The following CYP4B1 variants were observed in gnomAD, a reference collection of about 807,000 sequenced individuals.
The protein encoded by CYP4B1 is cytochrome P450 4B1.
A neutral mutation model predicts 54.0 loss-of-function variants in CYP4B1; 45 were observed. The observed-to-expected ratio is 0.83, with a 90% CI of 0.66 to 1.07. CYP4B1 has a LOEUF of 1.07. Among genes scored for constraint, CYP4B1 ranks in the 50% least tolerant of loss-of-function variants. CYP4B1 has a pLI of 0.00. For missense variants in CYP4B1, 656 were observed against 655.4 expected, an observed-to-expected ratio of 1.00 and a Z score of -0.01; for synonymous variants, 248 against 247.5, an observed-to-expected ratio of 1.00 and a Z score of -0.02.
In CYP4B1 at chr1:46,813,576, TTGGAAGAGGAGACACCGGCC is replaced by T. The variant is rs749634120; in HGVS notation, c.594_613del (p.Arg199ProfsTer29). On this transcript the variant is annotated frameshift_variant, in exon 5 of 12. Transcript: ENST00000371923. LOFTEE classifies it high-confidence loss of function. ...CTGAACACACTCATGAAGTGCACCT[TTGGAAGAGGAGACACCGGCC>T]TGGGCCACAGGTCAGGAGCCACCTC... The T allele has an allele frequency of 1.9e-6, 3 of 1,614,088 alleles. No individual in the cohort carries two copies. The highest frequency in any genetic ancestry group is 3.3e-4 in the Middle Eastern group (2 of 6,060).
chr1:46,802,954 G>A (rs1287013994), intron 1 of CYP4B1, among the ~76,000 whole-genome samples: 4 of 152,204 alleles, frequency 2.6e-5, no homozygotes, highest in Non-Finnish European at 5.9e-5. Context: ...GCTGGAAAAA[G>A]CAGTGTGTTT....
chr1:46,810,233 A>G (rs935828553), intron 1 of CYP4B1, among the ~76,000 whole-genome samples: 9 of 152,168 alleles, frequency 5.9e-5, no homozygotes, highest in Admixed American at 5.2e-4. Flanking sequence ...TGTCTCTCAT[A>G]GCACTGTTTT....
At chr1:46,817,538 C>A (rs1679385283) in intron 9 of CYP4B1, among the ~76,000 whole-genome samples, 1 of 152,328 alleles carries the variant, frequency 6.6e-6, no homozygotes, top group East Asian at 1.9e-4. Context: ...ACCTGCACAA[C>A]TGTATGTGGT....
At chr1:46,802,068 T>C (rs1286648885) in intron 1 of CYP4B1, among the ~76,000 whole-genome samples, 1 of 152,194 alleles carries the variant, frequency 6.6e-6, no homozygotes, top group Non-Finnish European at 1.5e-5. Context: ...TGTCCTATTC[T>C]TCCAGGGTCC....
intron 8 of CYP4B1, 178 bp downstream of exon 8, chr1:46,815,442 C>G (rs894824005): frequency 2.0e-6 from 1 of 490,402 alleles, no homozygotes; most frequent in Non-Finnish European, 3.5e-6. Context: ...CACAGATGCA[C>G]CCCTGAGCCC....
chr1:46,801,931 G>T (rs1351863579), intron 1 of CYP4B1, among the ~76,000 whole-genome samples: 1 of 152,190 alleles, frequency 6.6e-6, no homozygotes. Context: ...GGGACTGGGG[G>T]CAGGGAAGAG....
rs375747777 is a variant in CYP4B1 at position 46,809,208 on chromosome 1, A to AT, written c.181-1600_181-1599insT. 7.5e-3 allele frequency among the ~76,000 whole-genome samples: 1,137 copies of AT among 151,794 alleles called. 16 individuals carry two copies. Among genetic ancestry groups the AT allele is most frequent in the African/African-American group, 0.024 (1,014 of 41,418 alleles). ...AAACAAAACAAAACAAAACAAAAAAAAGCTCTCATGGGAACTAAGAGAACT... is the reference window on the plus strand; with the variant it reads ...AAACAAAACAAAACAAAACAAAAAAATAGCTCTCATGGGAACTAAGAGAACT... On this transcript the variant is annotated intron_variant, in intron 1 of 11. Coordinates refer to ENST00000371923, the MANE Select transcript of CYP4B1 (RefSeq NM_001099772.2).
chr1:46,814,405 C>A, intron 7 of CYP4B1, 90 bp downstream of exon 7: 1 of 898,570 alleles, frequency 1.1e-6, no homozygotes, highest in Non-Finnish European at 1.7e-6. Context: ...AGCTCTTAAG[C>A]ATTTCCCCCT....
rs372658454 is a variant in CYP4B1, at chr1:46,812,509, G to T, written c.381G>T (p.Leu127=). Residue 127 remains leucine (L), a synonymous_variant, in exon 4 of 12, where the codon CTG becomes CTT. Coordinates refer to ENST00000371923, the MANE Select transcript of CYP4B1 (RefSeq NM_001099772.2). ...TCCCTTCCCCAGGGAGAGGCCTGCT[G>T]GTTCTTGAGGGGCCCAAGTGGTTGC... is the stretch of plus-strand genomic sequence containing the variant. ...FFLQWIGRGL[L]VLEGPKWLQH... 2 of 1,613,468 alleles carry T rather than the reference G, an allele frequency of 1.2e-6. No individual in the cohort carries two copies. Among genetic ancestry groups the T allele is most frequent in the Non-Finnish European group, 1.7e-6 (2 of 1,179,706 alleles).
chr1:46,812,084 G>A lies in CYP4B1; in HGVS notation c.368-412G>A, dbSNP rs576490037. 3.7e-4 allele frequency: 165 copies of A among 451,268 alleles called. 2 individuals carry two copies. The highest frequency in any genetic ancestry group is 3.0e-3 in the African/African-American group (150 of 50,322). The allele number at this position is 451,268 out of a possible 1,614,324, so 28.0% of individuals were successfully genotyped here. ...ACCTGAGGCCATGAAGCACGAACAC[G>A]GTGGGACATTCCCTAAGTCCTGAAG... is the stretch of plus-strand genomic sequence containing the variant. On this transcript the variant is annotated intron_variant, in intron 3 of 11. Transcript: ENST00000371923.
intron 1 of CYP4B1, among the ~76,000 whole-genome samples, chr1:46,801,925 CT>C (rs1204525103): frequency 2.0e-5 from 3 of 152,128 alleles, no homozygotes; most frequent in African/African-American, 7.2e-5. Flanking sequence ...GGTAAAGGGA[CT>C]GGGGGCAGGG....
Position 46,815,124 on chromosome 1 carries a change from C to A in CYP4B1, c.933C>A (p.Asp311Glu). ...LSDADLRAEV[D>E]TFMFEGHDTT... ...ATGCAGACCTCCGGGCTGAAGTGGA[C>A]ACATTCATGTTTGAAGGCCATGACA... The change falls in exon 8 of 12, where the codon GAC becomes GAA. Residue 311 changes from aspartate (D) to glutamate (E), a missense_variant. Transcript: ENST00000371923. 2 of 1,614,200 alleles carry A rather than the reference C, an allele frequency of 1.2e-6. No individual in the cohort carries two copies. The highest frequency in any genetic ancestry group is 2.2e-5 in the South Asian group (2 of 91,084).
rs778917114 is a variant in CYP4B1 at position 46,810,842 on chromosome 1, C to A, written c.215C>A (p.Ser72Tyr). Residue 72 changes from serine (S) to tyrosine (Y), a missense_variant, in exon 2 of 12, where the codon TCC becomes TAC. By Grantham distance (144) the Ser-to-Tyr change is moderately radical. Coordinates refer to ENST00000371923, the MANE Select transcript of CYP4B1 (RefSeq NM_001099772.2). ...QETGSLDKVV[S>Y]WAHQFPYAHP... Reference sequence around the variant, plus strand: ...ACGGGGAGCCTGGACAAAGTGGTGTCCTGGGCCCACCAGTTCCCGTATGCC... The same window carrying A: ...ACGGGGAGCCTGGACAAAGTGGTGTACTGGGCCCACCAGTTCCCGTATGCC... 3.1e-6 allele frequency: 5 copies of A among 1,614,156 alleles called. No homozygotes were observed. Among genetic ancestry groups the A allele is most frequent in the Non-Finnish European group, 4.2e-6 (5 of 1,180,004 alleles).
rs1679071421 is a variant in CYP4B1, at chr1:46,810,923, A to G, written c.296A>G (p.Tyr99Cys). The G allele has an allele frequency of 1.2e-6, 2 of 1,614,132 alleles. No homozygotes were observed. Among genetic ancestry groups the G allele is most frequent in the African/African-American group, 1.3e-5 (1 of 75,036 alleles). The change falls in exon 2 of 12, where the codon TAT becomes TGT. Residue 99 changes from tyrosine (Y) to cysteine (C), a missense_variant. Physicochemically the swap from Tyr to Cys is radical, Grantham distance 194. Transcript: ENST00000371923. Reference protein sequence around the residue: ...IGFLNIYEPDYAKAVYSRGDP... With the variant: ...IGFLNIYEPDCAKAVYSRGDP... ...TTCCTGAACATCTATGAGCCTGACT[A>G]TGCCAAAGCTGTGTACAGCCGTGGG...
chr1:46,813,208 A>G (rs1481323290), intron 4 of CYP4B1, among the ~76,000 whole-genome samples: 1 of 152,204 alleles, frequency 6.6e-6, no homozygotes, highest in Non-Finnish European at 1.5e-5. Flanking sequence ...CTACTCCCTT[A>G]TAGGCTGCCC....
intron 11 of CYP4B1, 134 bp downstream of exon 11, chr1:46,818,347 G>A: frequency 1.2e-6 from 1 of 866,758 alleles, no homozygotes; most frequent in Non-Finnish European, 1.8e-6. Context: ...TCTAATGCAG[G>A]AGGCTTCTTC....
Position 46,813,551 on chromosome 1 carries a change from C to A in CYP4B1, c.565C>A (p.Leu189Met). The A allele has an allele frequency of 6.2e-7, 1 of 1,614,198 alleles. No individual in the cohort carries two copies. The change falls in exon 5 of 12, where the codon CTG becomes ATG. Residue 189 changes from leucine to methionine, a missense_variant. Transcript: ENST00000371923. ...CTTCTGCGATGTGGGTCACATGGCG[C>A]TGAACACACTCATGAAGTGCACCTT... ...DIFCDVGHMA[L>M]NTLMKCTFGR...
Position 46,813,981 on chromosome 1 carries a change from G to A in CYP4B1, c.693G>A (p.Gln231=). The change falls in exon 6 of 12, where the codon CAG becomes CAA. Residue 231 remains glutamine, a synonymous_variant. Transcript: ENST00000371923. ...TGCAGCAGCGCCTTGTGTCCTTCCA[G>A]TACCATAATGACTTCATCTACTGGC... ...LLMQQRLVSF[Q]YHNDFIYWLT... The A allele has an allele frequency of 6.2e-7, 1 of 1,614,174 alleles. No individual in the cohort carries two copies. Among genetic ancestry groups the A allele is most frequent in the South Asian group, 1.1e-5 (1 of 91,082 alleles).
At position 46,814,034 on chromosome 1, in the gene CYP4B1, G is replaced by C. The variant is rs773929688; in HGVS notation, c.746G>C (p.Arg249Pro). 20 of 1,614,110 alleles carry C rather than the reference G, an allele frequency of 1.2e-5. No homozygotes were observed. Among genetic ancestry groups the C allele is most frequent in the Non-Finnish European group, 1.7e-5 (20 of 1,180,016 alleles). ...WLTPHGRRFL[R>P]ACQVAHDHTD... ...ACCCCACATGGCCGCCGCTTCCTGC[G>C]GGCCTGCCAGGTGGCCCATGACCAT... Residue 249 changes from arginine to proline, a missense_variant, in exon 6 of 12, where the codon CGG becomes CCG. Arg to Pro is a moderately radical substitution (Grantham distance 103). Coordinates refer to ENST00000371923, the MANE Select transcript of CYP4B1 (RefSeq NM_001099772.2).
Sources: gnomAD v4.1 joint callset for allele counts (sites outside exome capture counted in the v4.1 genomes callset) on GRCh38, gnomAD v4.1.1 for gene constraint, MANE v1.5 for transcripts, NCBI Gene and HGNC (gene_info 2026-07-23, HGNC 2026-07-21) for gene names.